The following SLC4A4 variants were observed in gnomAD, a reference collection of about 807,000 sequenced individuals.
SLC4A4 encodes the protein solute carrier family 4 member 4.
Under a neutral mutation model 111.5 loss-of-function variants are expected in SLC4A4, and 27 were observed. The observed-to-expected ratio is 0.24, with a 90% CI of 0.18 to 0.33. The LOEUF is 0.33. SLC4A4 is among the 10% of genes least tolerant of loss of function. SLC4A4 has a pLI of 1.00. For missense variants in SLC4A4, 909 were observed against 1,315.5 expected (o/e 0.69, Z 4.78); for synonymous variants, 443 against 463.4 (o/e 0.96, Z 0.57).
chr4:71,321,054 G>A (rs1187014830), intron 3 of SLC4A4, among the ~76,000 whole-genome samples: 1 of 151,968 alleles, frequency 6.6e-6, no homozygotes, highest in Admixed American at 6.6e-5. Flanking sequence ...CAAAGGGGGT[G>A]AATTCTTTAC....
At chr4:71,308,700 G>C (rs968122552) in intron 3 of SLC4A4, among the ~76,000 whole-genome samples, 1 of 152,188 alleles carries the variant, frequency 6.6e-6, no homozygotes, top group African/African-American at 2.4e-5. Flanking sequence ...TTCTCCCATG[G>C]TTTTTGCAAT....
At chr4:71,289,634 A>G (rs909004636) in intron 3 of SLC4A4, among the ~76,000 whole-genome samples, 2 of 152,214 alleles carry the variant, frequency 1.3e-5, no homozygotes, top group Non-Finnish European at 2.9e-5. Flanking sequence ...GTGATGCCAA[A>G]GATATGGGGC....
At chr4:71,303,245 G>T (rs1214330664) in intron 3 of SLC4A4, among the ~76,000 whole-genome samples, 1 of 152,174 alleles carries the variant, frequency 6.6e-6, no homozygotes, top group Admixed American at 6.5e-5. Context: ...GGAGTTTATT[G>T]ATTACTCATG....
chr4:71,504,676 G>T (rs1051327462), intron 16 of SLC4A4, among the ~76,000 whole-genome samples: 25 of 140,060 alleles, frequency 1.8e-4, no homozygotes, highest in African/African-American at 5.7e-4. Flanking sequence ...GGGGGGGGGT[G>T]TTATTATTAT....
chr4:71,278,170 T>C (rs566149624), intron 3 of SLC4A4, among the ~76,000 whole-genome samples: 1 of 152,256 alleles, frequency 6.6e-6, no homozygotes, highest in Non-Finnish European at 1.5e-5. Context: ...TTTTTTTTAA[T>C]TACACATAAA....
At chr4:71,365,156 A>T (rs1239704782) in intron 6 of SLC4A4, among the ~76,000 whole-genome samples, 1 of 152,190 alleles carries the variant, frequency 6.6e-6, no homozygotes, top group Non-Finnish European at 1.5e-5. Context: ...AGTCTGTTTT[A>T]TACATCTAGG....
chr4:71,500,171 T>G (rs1730784240), intron 16 of SLC4A4, among the ~76,000 whole-genome samples: 1 of 152,208 alleles, frequency 6.6e-6, no homozygotes, highest in South Asian at 2.1e-4. Context: ...AGTTCCCTGA[T>G]ACTTCATGAT....
intron 3 of SLC4A4, among the ~76,000 whole-genome samples, chr4:71,315,085 A>C (rs575849516): frequency 3.9e-5 from 6 of 152,216 alleles, no homozygotes; most frequent in South Asian, 4.2e-4. Flanking sequence ...ATTTTCTTGG[A>C]GTTTATAAAG....
intron 3 of SLC4A4, among the ~76,000 whole-genome samples, chr4:71,304,116 C>G: frequency 6.6e-6 from 1 of 152,168 alleles, no homozygotes; most frequent in Non-Finnish European, 1.5e-5. Context: ...GGTAGAAACT[C>G]TGTTTCATAT....
intron 2 of SLC4A4, among the ~76,000 whole-genome samples, chr4:71,116,258 G>A (rs1743245853): frequency 6.6e-6 from 1 of 152,186 alleles, no homozygotes; most frequent in South Asian, 2.1e-4. Flanking sequence ...ATTAACTCAT[G>A]TATATTTAGG....
intron 2 of SLC4A4, among the ~76,000 whole-genome samples, chr4:71,097,688 TA>T (rs1175110798): frequency 6.6e-6 from 1 of 152,202 alleles, no homozygotes; most frequent in Non-Finnish European, 1.5e-5. Flanking sequence ...CAGCGTCTGT[TA>T]TTTTTTTGAC....
At chr4:71,412,325 A>G (rs913337600) in intron 7 of SLC4A4, among the ~76,000 whole-genome samples, 1 of 152,226 alleles carries the variant, frequency 6.6e-6, no homozygotes, top group Non-Finnish European at 1.5e-5. Flanking sequence ...ATGCCTGGGC[A>G]CTAACCTAAG....
At chr4:71,185,763 T>A (rs182419103), upstream of SLC4A4, among the ~76,000 whole-genome samples, 1 of 152,140 alleles carries the variant, frequency 6.6e-6, no homozygotes, top group African/African-American at 2.4e-5. Flanking sequence ...AATTATTTCC[T>A]CCCTACCCTC....
At chr4:71,301,162 G>A in intron 3 of SLC4A4, 1 of 318,228 alleles carries the variant, frequency 3.1e-6, no homozygotes, top group South Asian at 2.9e-5. Flanking sequence ...CAGTAGATAG[G>A]AGCAGCATCA....
At chr4:71,380,602 C>T (rs1012373854) in intron 6 of SLC4A4, among the ~76,000 whole-genome samples, 3 of 152,160 alleles carry the variant, frequency 2.0e-5, no homozygotes, top group African/African-American at 7.2e-5. Context: ...AGAACCAACC[C>T]CCAGCCAATC....
At chr4:71,236,682 G>T in intron 2 of SLC4A4, 33 bp downstream of exon 2, 1 of 1,534,804 alleles carries the variant, frequency 6.5e-7, no homozygotes, top group South Asian at 1.1e-5. Flanking sequence ...AGTGTCTGTT[G>T]ACATACATAT....
intron 9 of SLC4A4, 152 bp from the exon 10 acceptor site, chr4:71,450,237 G>A (rs1379705591): frequency 3.1e-5 from 20 of 649,452 alleles, no homozygotes; most frequent in East Asian, 5.5e-5. Context: ...CTATATTTTC[G>A]GGGGGCAGGC....
chr4:71,282,333 G>A (rs1047891465), intron 3 of SLC4A4, among the ~76,000 whole-genome samples: 2 of 150,298 alleles, frequency 1.3e-5, no homozygotes, highest in Admixed American at 6.6e-5. Flanking sequence ...TGCTCTTGTT[G>A]CCCAGGCTGG....
chr4:71,137,315 C>T (rs532649964), intron 2 of SLC4A4, among the ~76,000 whole-genome samples: 13 of 152,332 alleles, frequency 8.5e-5, no homozygotes, highest in African/African-American at 3.1e-4. Context: ...CCTCAAGAGT[C>T]ATCCTCCATT....
Sources: allele counts gnomAD v4.1 joint callset (sites outside exome capture counted in the v4.1 genomes callset), GRCh38; gene constraint gnomAD v4.1.1; transcripts MANE v1.5; gene names NCBI Gene and HGNC (gene_info 2026-07-23, HGNC 2026-07-21).